The following OTUD7B variants were observed in gnomAD, a reference collection of about 807,000 sequenced individuals.
The protein encoded by OTUD7B is OTU domain-containing protein 7B.
Under a neutral mutation model 82.2 loss-of-function variants are expected in OTUD7B, and 34 were observed. The ratio of observed to expected loss-of-function variants is 0.41; its 90% CI spans 0.31 to 0.55. The LOEUF (loss-of-function observed/expected upper bound fraction) is 0.55, where lower values mean the gene tolerates loss of function less well. Among genes scored for constraint, OTUD7B ranks in the 20% least tolerant of loss-of-function variants. The pLI is 0.20. For synonymous variants in OTUD7B, 398 were observed against 402.7 expected, an observed-to-expected ratio of 0.99 and a Z score of 0.14; for missense variants, 944 against 1,062.1, an observed-to-expected ratio of 0.89 and a Z score of 1.55.
chr1:149,971,156 C>T lies in OTUD7B; in HGVS notation c.181G>A (p.Gly61Ser). The change falls in exon 3 of 12, where the codon GGT becomes AGT. Residue 61 changes from glycine (G) to serine (S), a missense_variant. Transcript: ENST00000581312. ...CCTTTTTCAGGGGTCCTGGAGCCAC[C>T]ACTCCCCTCACTAAAGGATGGGGGT... ...NLPPSFSEGS[G>S]GSRTPEKGFS... 6.2e-7 allele frequency: 1 copy of T among 1,613,718 alleles called. No homozygotes were observed. The highest frequency in any genetic ancestry group is 1.1e-5 in the South Asian group (1 of 91,050).
rs139486625 is a variant in OTUD7B at position 150,004,085 on chromosome 1, A to G, written c.-67+6363T>C. Among the ~76,000 whole-genome samples, 107 of 151,674 alleles carry G rather than the reference A, an allele frequency of 7.1e-4. 2 individuals carry two copies. The East Asian group carries it at 0.019, about 27-fold the overall frequency. On this transcript the variant is annotated intron_variant, in intron 1 of 11. Transcript: ENST00000581312. ...CATCTCCCACATCCACCCCTCATTA[A>G]TTTCCATTTTTCCTTCACAGTCTCT...
At chr1:149,992,935 G>GA (rs1191381430) in intron 1 of OTUD7B, among the ~76,000 whole-genome samples, 1 of 152,050 alleles carries the variant, frequency 6.6e-6, no homozygotes, top group Non-Finnish European at 1.5e-5. Flanking sequence ...TGGATCACCT[G>GA]AGGTCAGGGG....
At chr1:150,016,679 T>C in the OTUD7B span, among the ~76,000 whole-genome samples, 2 of 152,120 alleles carry the variant, frequency 1.3e-5, no homozygotes, top group Admixed American at 1.3e-4. Context: ...CTTGAACTCC[T>C]GACCTCAGGT....
the OTUD7B span, among the ~76,000 whole-genome samples, chr1:150,022,396 CAAAAAAAAAAA>C: frequency 7.1e-3 from 43 of 6,084 alleles, 6 homozygotes; most frequent in Middle Eastern, 0.083. Flanking sequence ...AAACTCTCTA[CAAAAAAAAAAA>C]AAAAAAAAAA....
rs56106457 is a variant in OTUD7B at position 149,946,914 on chromosome 1, G to A, written c.1323+337C>T. ...CTAAAAATACAAAAATTAGCTGGGCGTGGTGGCGCATGCCTGTAATACCAG... is the reference window on the plus strand; with the variant it reads ...CTAAAAATACAAAAATTAGCTGGGCATGGTGGCGCATGCCTGTAATACCAG... On this transcript the variant is annotated intron_variant, in intron 11 of 11. Transcript: ENST00000581312. Among the ~76,000 whole-genome samples the A allele has an allele frequency of 1.5e-3, 231 of 151,948 alleles. 1 individual carries two copies. The highest frequency in any genetic ancestry group is 2.8e-3 in the Non-Finnish European group (192 of 67,948).
intron 3 of OTUD7B, 98 bp downstream of exon 3, chr1:149,970,965 T>C (rs1212679382): frequency 1.7e-6 from 2 of 1,147,928 alleles, no homozygotes; most frequent in East Asian, 5.1e-5. Context: ...GGGGAAGAAA[T>C]GGAATCACCT....
the OTUD7B span, chr1:150,067,645 G>C: frequency 5.5e-6 from 3 of 544,022 alleles, no homozygotes; most frequent in Non-Finnish European, 9.7e-6. Flanking sequence ...CAGCGGCCCA[G>C]GCCGTCTCAG....
intron 1 of OTUD7B, among the ~76,000 whole-genome samples, chr1:149,980,904 G>GT (rs1553779502): frequency 1.3e-5 from 2 of 151,476 alleles, no homozygotes; most frequent in Non-Finnish European, 2.9e-5. Flanking sequence ...TCCCAGCCAC[G>GT]TGAGTGGCTG....
At position 150,002,898 on chromosome 1, in the gene OTUD7B, G is replaced by A. The variant is rs138344964; in HGVS notation, c.-67+7550C>T. 3.3e-4 allele frequency among the ~76,000 whole-genome samples: 50 copies of A among 152,228 alleles called. 1 individual carries two copies. The highest frequency in any genetic ancestry group is 1.1e-3 in the African/African-American group (47 of 41,544). ...TCTCCAATCCACCCTACACACCACT[G>A]ACATAATCTTTCTAGGATGTGAAAC... On this transcript the variant is annotated intron_variant, in intron 1 of 11. Coordinates refer to ENST00000581312, the MANE Select transcript of OTUD7B (RefSeq NM_020205.4).
chr1:149,991,068 T>C (rs1651537018), intron 1 of OTUD7B, among the ~76,000 whole-genome samples: 3 of 152,112 alleles, frequency 2.0e-5, no homozygotes, highest in Non-Finnish European at 4.4e-5. Flanking sequence ...GGACTTAGAA[T>C]GCGGGGCTCA....
chr1:149,970,993 T>A, intron 3 of OTUD7B, 70 bp downstream of exon 3: 1 of 1,357,034 alleles, frequency 7.4e-7, no homozygotes, highest in Non-Finnish European at 1.0e-6. Flanking sequence ...ATCACTAGAC[T>A]TTATGACTCC....
rs2092749612 is a variant in OTUD7B, at chr1:149,939,863, T to G, written c.*3994A>C. Reference sequence around the variant, plus strand: ...AGAATCACTTGAACCCAGGAGACGGTGGTTGGAGTGAGCCGAGATTGCACC... The same window carrying G: ...AGAATCACTTGAACCCAGGAGACGGGGGTTGGAGTGAGCCGAGATTGCACC... On this transcript the variant is annotated 3_prime_UTR_variant, in exon 12 of 12. Transcript: ENST00000581312. 1.3e-5 allele frequency: 2 copies of G among 151,380 alleles called. No individual in the cohort carries two copies. Among genetic ancestry groups the G allele is most frequent in the South Asian group, 4.2e-4 (2 of 4,792 alleles). The allele number at this position is 151,380 out of a possible 1,614,324, so 9.4% of individuals were successfully genotyped here. A position where few individuals can be genotyped will look rare whatever the true frequency, so the allele number is the denominator to read the frequency against.
At chr1:149,969,208 A>G (rs1649736492) in intron 3 of OTUD7B, among the ~76,000 whole-genome samples, 1 of 152,068 alleles carries the variant, frequency 6.6e-6, no homozygotes, top group Non-Finnish European at 1.5e-5. Flanking sequence ...CCATGCTCCC[A>G]GCTACTTGGG....
intron 1 of OTUD7B, among the ~76,000 whole-genome samples, chr1:150,006,743 C>A (rs1175677720): frequency 2.0e-5 from 3 of 152,192 alleles, no homozygotes; most frequent in African/African-American, 7.2e-5. Flanking sequence ...AGTCTTGAGA[C>A]TTCCCCACAG....
upstream of OTUD7B, among the ~76,000 whole-genome samples, chr1:150,013,920 CAA>C (rs1207073066): frequency 3.7e-5 from 2 of 54,630 alleles, no homozygotes; most frequent in African/African-American, 1.9e-4. Context: ...GACTCTGTCT[CAA>C]AAAAAAAAAA....
chr1:150,015,290 C>CTTTTTTTTTTTTTTTTCTTTTTTT (rs60374988), upstream of OTUD7B, among the ~76,000 whole-genome samples: 1 of 128,972 alleles, frequency 7.8e-6, no homozygotes, highest in Non-Finnish European at 1.5e-5. Flanking sequence ...TTTTCTTTCT[C>CTTTTTTTTTTTTTTTTCTTTTTTT]TTTTTTTTTT....
chr1:149,938,904 C>A lies in OTUD7B; in HGVS notation c.*4953G>T, dbSNP rs1328615565. The A allele has an allele frequency of 1.9e-4, 27 of 144,602 alleles. No individual in the cohort carries two copies. The highest frequency in any genetic ancestry group is 7.1e-4 in the African/African-American group (27 of 38,062). 9.0% of individuals were successfully genotyped at this position (144,602 alleles called of 1,614,324 possible). Reference sequence around the variant, plus strand: ...CCGGGATCGCGCCATTGCACTCCATCCTGGGCGACAAGAGCGAAACTCTGT... The same window carrying A: ...CCGGGATCGCGCCATTGCACTCCATACTGGGCGACAAGAGCGAAACTCTGT... On this transcript the variant is annotated 3_prime_UTR_variant, in exon 12 of 12. Coordinates refer to ENST00000581312, the MANE Select transcript of OTUD7B (RefSeq NM_020205.4).
At chr1:150,049,081 G>A in the OTUD7B span, among the ~76,000 whole-genome samples, 6 of 152,060 alleles carry the variant, frequency 3.9e-5, no homozygotes, top group South Asian at 2.1e-4. Flanking sequence ...CAAGTGATCC[G>A]TCTGCCTCAG....
chr1:150,031,463 T>C, the OTUD7B span, among the ~76,000 whole-genome samples: 1 of 152,214 alleles, frequency 6.6e-6, no homozygotes, highest in African/African-American at 2.4e-5. Flanking sequence ...GAACAGTAAT[T>C]GGAGAAGCCA....
Sources: allele counts gnomAD v4.1 joint callset (sites outside exome capture counted in the v4.1 genomes callset), GRCh38; gene constraint gnomAD v4.1.1; transcripts MANE v1.5; gene names NCBI Gene and HGNC (gene_info 2026-07-23, HGNC 2026-07-21).